The following FRMD6 variants were observed in gnomAD, a reference collection of about 807,000 sequenced individuals.
FRMD6 encodes FERM domain-containing protein 6.
FRMD6 carries 37 observed loss-of-function variants against 73.2 expected under a neutral mutation model. The observed-to-expected ratio is 0.51, with a 90% CI of 0.39 to 0.66. The LOEUF (loss-of-function observed/expected upper bound fraction) is 0.66, where lower values mean the gene tolerates loss of function less well. Among genes scored for constraint, FRMD6 ranks in the 30% least tolerant of loss-of-function variants. FRMD6 has a pLI of 0.00. For synonymous variants in FRMD6, 273 were observed against 282.2 expected (o/e 0.97, Z 0.33); for missense variants, 714 against 780.5 (o/e 0.91, Z 1.02).
intron 1 of FRMD6, among the ~76,000 whole-genome samples, chr14:51,525,074 G>GA (rs769789040): frequency 1.9e-4 from 8 of 41,816 alleles, no homozygotes; most frequent in Non-Finnish European, 4.0e-4. Flanking sequence ...AAATAGAATA[G>GA]ATAGATAGAT....
intron 1 of FRMD6, among the ~76,000 whole-genome samples, chr14:51,506,402 A>G (rs772972137): frequency 6.6e-6 from 1 of 152,240 alleles, no homozygotes; most frequent in Admixed American, 6.5e-5. Flanking sequence ...AATGAAGAGG[A>G]TACTGGCGAA....
chr14:51,665,950 A>G (rs970821143), intron 1 of FRMD6, among the ~76,000 whole-genome samples: 2 of 152,230 alleles, frequency 1.3e-5, no homozygotes, highest in African/African-American at 4.8e-5. Context: ...TGTAAGTCCA[A>G]TAAACCTCTT....
At chr14:51,708,311 A>T in intron 7 of FRMD6, 78 bp downstream of exon 7, 1 of 1,321,656 alleles carries the variant, frequency 7.6e-7, no homozygotes, top group Non-Finnish European at 1.0e-6. Context: ...AAACCGAAGG[A>T]TTTCATTTCC....
At chr14:51,603,257 A>AT (rs943688032) in intron 2 of FRMD6, among the ~76,000 whole-genome samples, 7 of 116,176 alleles carry the variant, frequency 6.0e-5, no homozygotes, top group African/African-American at 1.2e-4. Flanking sequence ...TATAAGCCAC[A>AT]TAGTTTATGA....
At chr14:51,539,647 G>A (rs1422489171) in intron 1 of FRMD6, among the ~76,000 whole-genome samples, 1 of 152,108 alleles carries the variant, frequency 6.6e-6, no homozygotes, top group Non-Finnish European at 1.5e-5. Flanking sequence ...GAATGTGATT[G>A]TCTGGGAGAG....
At chr14:51,528,442 TA>T (rs1885385524) in intron 1 of FRMD6, among the ~76,000 whole-genome samples, 1 of 152,188 alleles carries the variant, frequency 6.6e-6, no homozygotes, top group South Asian at 2.1e-4. Flanking sequence ...CCCACAACTA[TA>T]AGATGAGGAA....
At chr14:51,647,133 G>A (rs1355055273), upstream of FRMD6, among the ~76,000 whole-genome samples, 1 of 152,020 alleles carries the variant, frequency 6.6e-6, no homozygotes, top group Non-Finnish European at 1.5e-5. Flanking sequence ...TTTGACCCTG[G>A]ATAATCAAGT....
chr14:51,590,782 G>A (rs552745626), intron 2 of FRMD6, among the ~76,000 whole-genome samples: 60 of 152,356 alleles, frequency 3.9e-4, no homozygotes, highest in African/African-American at 1.3e-3. Flanking sequence ...AATGCAAAAA[G>A]TGACCAAAGT....
intron 1 of FRMD6, among the ~76,000 whole-genome samples, chr14:51,662,741 A>G (rs1017399110): frequency 1.3e-5 from 2 of 152,258 alleles, no homozygotes; most frequent in African/African-American, 2.4e-5. Flanking sequence ...AATGGCAAAC[A>G]TTTACTGATG....
chr14:51,505,393 T>C (rs1023005034), intron 1 of FRMD6, among the ~76,000 whole-genome samples: 1 of 152,138 alleles, frequency 6.6e-6, no homozygotes, highest in Non-Finnish European at 1.5e-5. Flanking sequence ...GTTTATCGAA[T>C]TTTTACATGA....
intron 6 of FRMD6, 97 bp downstream of exon 6, chr14:51,705,032 T>C (rs1305415706): frequency 1.8e-6 from 2 of 1,118,114 alleles, no homozygotes; most frequent in Non-Finnish European, 2.5e-6. Flanking sequence ...GGAACACAGA[T>C]GTTCTGTGGC....
At chr14:51,655,277 T>C (rs1317849520) in intron 1 of FRMD6, among the ~76,000 whole-genome samples, 1 of 152,240 alleles carries the variant, frequency 6.6e-6, no homozygotes. Flanking sequence ...ATTAAAATTA[T>C]GTATTTTTAG....
chr14:51,702,520 C>T lies in FRMD6; in HGVS notation c.303C>T (p.Asp101=). Residue 101 remains aspartate (D), a synonymous_variant, in exon 5 of 14, where the codon GAC becomes GAT. Transcript: ENST00000344768. ...VRQYEVTWGI[D]QFGPPMIIHF... is the part of the protein sequence containing the mutation. ...TGTGCTTTTGTTTCTAGGGTATCGA[C>T]CAATTTGGGCCTCCTATGATCATCC... is the stretch of plus-strand genomic sequence containing the variant. 2 of 1,611,418 alleles carry T rather than the reference C, an allele frequency of 1.2e-6. No homozygotes were observed. The highest frequency in any genetic ancestry group is 1.7e-6 in the Non-Finnish European group (2 of 1,178,192).
At chr14:51,473,886 A>G in the FRMD6 span, among the ~76,000 whole-genome samples, 1 of 151,314 alleles carries the variant, frequency 6.6e-6, no homozygotes, top group Non-Finnish European at 1.5e-5. Flanking sequence ...CCTGACCTAG[A>G]GCTATCCCAG....
intron 1 of FRMD6, among the ~76,000 whole-genome samples, chr14:51,660,603 T>TA (rs1893146536): frequency 1.5e-5 from 1 of 65,356 alleles, no homozygotes. Flanking sequence ...TGTCAGTGAA[T>TA]AAAATAAAGG....
chr14:51,550,372 T>A (rs1486107822), intron 1 of FRMD6, among the ~76,000 whole-genome samples: 1 of 152,228 alleles, frequency 6.6e-6, no homozygotes, highest in Non-Finnish European at 1.5e-5. Context: ...CCCAAATGTC[T>A]TTTTATCATT....
chr14:51,632,541 G>A (rs764433646), intron 2 of FRMD6, among the ~76,000 whole-genome samples: 1 of 152,154 alleles, frequency 6.6e-6, no homozygotes, highest in African/African-American at 2.4e-5. Context: ...AACATTTTGG[G>A]GAAAGATGGC....
At position 51,653,778 on chromosome 14, in the gene FRMD6, A is replaced by G. The variant is rs558997930; in HGVS notation, c.-147+1782A>G. ...ATGTTAAAAATGAAAATACTTCACA[A>G]TATGAGACAGCTGGCATTTGAATAC... On this transcript the variant is annotated intron_variant, in intron 1 of 13. Transcript: ENST00000344768. 8.5e-5 allele frequency among the ~76,000 whole-genome samples: 13 copies of G among 152,328 alleles called. No individual in the cohort carries two copies. In the East Asian group the frequency reaches 2.1e-3, roughly 25 times the overall value.
At chr14:51,646,451 A>G (rs751527460) in intron 2 of FRMD6, among the ~76,000 whole-genome samples, 5 of 152,002 alleles carry the variant, frequency 3.3e-5, no homozygotes, top group African/African-American at 4.8e-5. Context: ...TGCCTGAGAC[A>G]TAAGTCAAAG....
Sources: gnomAD v4.1 joint callset for allele counts (sites outside exome capture counted in the v4.1 genomes callset) on GRCh38, gnomAD v4.1.1 for gene constraint, MANE v1.5 for transcripts, NCBI Gene and HGNC (gene_info 2026-07-23, HGNC 2026-07-21) for gene names.